Variants in ABTB3 observed in about 807,000 individuals in gnomAD.
The protein encoded by ABTB3 is ankyrin repeat- and BTB/POZ domain-containing protein 3.
At chr12:107,563,744 G>A in the ABTB3 span, among the ~76,000 whole-genome samples, 1 of 152,118 alleles carries the variant, frequency 6.6e-6, no homozygotes, top group Non-Finnish European at 1.5e-5. Context: ...TGGATGGAAA[G>A]GGTAGAAAGA....
chr12:107,573,083 C>T, the ABTB3 span, among the ~76,000 whole-genome samples: 4 of 152,210 alleles, frequency 2.6e-5, no homozygotes, highest in Non-Finnish European at 5.9e-5. Flanking sequence ...AAGACTTGTA[C>T]TTTGGTACAA....
At chr12:107,491,087 G>A in the ABTB3 span, among the ~76,000 whole-genome samples, 2 of 152,104 alleles carry the variant, frequency 1.3e-5, no homozygotes, top group Non-Finnish European at 2.9e-5. Flanking sequence ...ATCTGAGTAG[G>A]TGGGCCTCTG....
chr12:107,609,102 G>A, the ABTB3 span, among the ~76,000 whole-genome samples: 28 of 152,234 alleles, frequency 1.8e-4, no homozygotes, highest in African/African-American at 6.5e-4. Context: ...CTCCTGCAGC[G>A]CCTGTGTTCT....
the ABTB3 span, among the ~76,000 whole-genome samples, chr12:107,543,733 G>A: frequency 2.6e-5 from 4 of 152,040 alleles, no homozygotes; most frequent in East Asian, 3.9e-4. Flanking sequence ...TGCTTGAAAC[G>A]CACCCCAGAT....
the ABTB3 span, among the ~76,000 whole-genome samples, chr12:107,455,153 C>T: frequency 5.3e-5 from 8 of 152,340 alleles, no homozygotes; most frequent in South Asian, 4.1e-4. Context: ...GGCCTGAGGT[C>T]ACACAGCTAG....
the ABTB3 span, among the ~76,000 whole-genome samples, chr12:107,340,052 C>A: frequency 2.0e-5 from 3 of 151,406 alleles, no homozygotes; most frequent in Non-Finnish European, 2.9e-5. Flanking sequence ...TGAGAAACAT[C>A]TAACCAGACT....
the ABTB3 span, among the ~76,000 whole-genome samples, chr12:107,461,576 A>ACCCGGTTTGTGGGAATTTGTTACGGCAGC: frequency 6.6e-6 from 1 of 152,090 alleles, no homozygotes; most frequent in South Asian, 2.1e-4. Flanking sequence ...GTTTTAAGCC[A>ACCCGGTTTGTGGGAATTTGTTACGGCAGC]CCCAGGAAAC....
chr12:107,652,540 T>C, the ABTB3 span, among the ~76,000 whole-genome samples: 5 of 152,224 alleles, frequency 3.3e-5, no homozygotes, highest in Non-Finnish European at 7.3e-5. Context: ...CTTTGGAGTC[T>C]GCTTAATCAG....
At chr12:107,653,004 G>A in the ABTB3 span, among the ~76,000 whole-genome samples, 4 of 152,170 alleles carry the variant, frequency 2.6e-5, no homozygotes, top group Non-Finnish European at 5.9e-5. Context: ...CTCCTCCTGG[G>A]TTCAAGCAAT....
the ABTB3 span, among the ~76,000 whole-genome samples, chr12:107,527,337 T>A: frequency 6.6e-6 from 1 of 152,102 alleles, no homozygotes; most frequent in Non-Finnish European, 1.5e-5. Flanking sequence ...AGTGGCTCAA[T>A]CTCAGCTCAC....
chr12:107,477,898 T>C, the ABTB3 span, among the ~76,000 whole-genome samples: 1 of 152,152 alleles, frequency 6.6e-6, no homozygotes, highest in Admixed American at 6.5e-5. Flanking sequence ...GAAAACCTAG[T>C]CAGTTATACT....
the ABTB3 span, among the ~76,000 whole-genome samples, chr12:107,381,686 G>C: frequency 6.6e-6 from 1 of 152,172 alleles, no homozygotes; most frequent in South Asian, 2.1e-4. Context: ...TAAGGGCAGG[G>C]GGAACCATTC....
the ABTB3 span, among the ~76,000 whole-genome samples, chr12:107,530,358 C>T: frequency 6.6e-6 from 1 of 152,296 alleles, no homozygotes; most frequent in African/African-American, 2.4e-5. Context: ...GCGTCTTCCA[C>T]CCTCAACCTA....
chr12:107,379,574 A>C, the ABTB3 span, among the ~76,000 whole-genome samples: 2 of 152,190 alleles, frequency 1.3e-5, no homozygotes, highest in Admixed American at 1.3e-4. Context: ...TTTTCTTTAT[A>C]AATTACCCAG....
At chr12:107,599,475 G>C in the ABTB3 span, among the ~76,000 whole-genome samples, 2 of 152,206 alleles carry the variant, frequency 1.3e-5, no homozygotes, top group African/African-American at 4.8e-5. Context: ...ATCCAGACAA[G>C]TGAAATCAGC....
chr12:107,639,996 G>C, the ABTB3 span, among the ~76,000 whole-genome samples: 1 of 152,326 alleles, frequency 6.6e-6, no homozygotes, highest in East Asian at 1.9e-4. Context: ...GCTGAGCCCT[G>C]AGAGAGAGCA....
the ABTB3 span, among the ~76,000 whole-genome samples, chr12:107,632,851 G>A: frequency 6.6e-6 from 1 of 152,164 alleles, no homozygotes; most frequent in Non-Finnish European, 1.5e-5. Flanking sequence ...CTGACTGTTG[G>A]TGTCACACTT....
chr12:107,495,284 C>T, the ABTB3 span, among the ~76,000 whole-genome samples: 1 of 152,212 alleles, frequency 6.6e-6, no homozygotes, highest in African/African-American at 2.4e-5. Flanking sequence ...GCCAGGCCTA[C>T]CTGCACGGGC....
At chr12:107,448,114 G>A in the ABTB3 span, among the ~76,000 whole-genome samples, 2 of 152,228 alleles carry the variant, frequency 1.3e-5, no homozygotes. Context: ...ATGAGGCCCA[G>A]ATGGAAGCGG....
Sources: gnomAD v4.1 joint callset for allele counts (sites outside exome capture counted in the v4.1 genomes callset) on GRCh38, gnomAD v4.1.1 for gene constraint, MANE v1.5 for transcripts, NCBI Gene and HGNC (gene_info 2026-07-23, HGNC 2026-07-21) for gene names.